The following IGSF10 variants were observed in gnomAD, a reference collection of about 807,000 sequenced individuals.
The protein encoded by IGSF10 is immunoglobulin superfamily member 10, also known as calvaria mechanical force protein 608.
IGSF10 carries 126 observed loss-of-function variants against 128.2 expected under a neutral mutation model. The observed-to-expected ratio is 0.98, with a 90% CI of 0.85 to 1.14. The LOEUF is 1.14. Ranked by LOEUF, IGSF10 falls within the 50% of genes most tolerant of loss-of-function variation. IGSF10 has a pLI of 0.00. For missense variants in IGSF10, 3,295 were observed against 3,149.8 expected (o/e 1.05, Z -1.10); for synonymous variants, 1,185 against 1,146.2 (o/e 1.03, Z -0.68).
At chr3:151,481,440 G>A in the IGSF10 span, among the ~76,000 whole-genome samples, 51 of 152,174 alleles carry the variant, frequency 3.4e-4, no homozygotes, top group South Asian at 1.0e-3. Context: ...AAATTGAAGC[G>A]GTCCTAAATT....
chr3:151,515,373 A>G, the IGSF10 span, among the ~76,000 whole-genome samples: 1 of 151,250 alleles, frequency 6.6e-6, no homozygotes, highest in East Asian at 2.0e-4. Context: ...CAAGGACAGA[A>G]AAACCAAACA....
the IGSF10 span, among the ~76,000 whole-genome samples, chr3:151,513,330 T>TA: frequency 1.3e-5 from 2 of 151,632 alleles, no homozygotes; most frequent in African/African-American, 2.4e-5. Flanking sequence ...AAAAAATCAA[T>TA]AAACGTAATC....
the IGSF10 span, among the ~76,000 whole-genome samples, chr3:151,575,316 C>T: frequency 3.3e-5 from 5 of 152,310 alleles, no homozygotes; most frequent in East Asian, 5.8e-4. Flanking sequence ...TTCAGCTATG[C>T]CCTGCCCCTA....
the IGSF10 span, among the ~76,000 whole-genome samples, chr3:151,474,821 CA>C: frequency 6.6e-6 from 1 of 151,668 alleles, no homozygotes; most frequent in Non-Finnish European, 1.5e-5. Context: ...TGGCAGCAGG[CA>C]AAGAGAGAGC....
the IGSF10 span, among the ~76,000 whole-genome samples, chr3:151,603,310 T>A: frequency 6.6e-6 from 1 of 152,230 alleles, no homozygotes; most frequent in African/African-American, 2.4e-5. Context: ...TCATCTGCTC[T>A]TTGGAATAAT....
chr3:151,617,035 A>T, the IGSF10 span, among the ~76,000 whole-genome samples: 2 of 152,090 alleles, frequency 1.3e-5, no homozygotes, highest in Non-Finnish European at 2.9e-5. Flanking sequence ...GGATGCTGGA[A>T]ATGGAGTCAA....
the IGSF10 span, among the ~76,000 whole-genome samples, chr3:151,539,897 T>G: frequency 6.6e-6 from 1 of 152,114 alleles, no homozygotes; most frequent in African/African-American, 2.4e-5. Context: ...TGTTCATCCA[T>G]CCATTCATCT....
In IGSF10 at chr3:151,451,734, T is replaced by C. The variant is rs570485640; in HGVS notation, c.715+1650A>G. ...ACATGTATTGGTGCTATGACATATA[T>C]TAAATTTGCCTTTAAAATGTTTCAA... On this transcript the variant is annotated intron_variant, in intron 5 of 7. Coordinates refer to ENST00000282466, the MANE Select transcript of IGSF10 (RefSeq NM_178822.5). Among the ~76,000 whole-genome samples, 112 of 152,364 alleles carry C rather than the reference T, an allele frequency of 7.4e-4. 2 individuals carry two copies. The South Asian group carries it at 0.023, about 31-fold the overall frequency.
chr3:151,604,626 C>CACACACAT, the IGSF10 span, among the ~76,000 whole-genome samples: 387 of 121,520 alleles, frequency 3.2e-3, no homozygotes, highest in African/African-American at 0.011. Flanking sequence ...CACACACACA[C>CACACACAT]ATATATATAT....
the IGSF10 span, among the ~76,000 whole-genome samples, chr3:151,562,646 A>G: frequency 2.6e-5 from 4 of 152,236 alleles, no homozygotes; most frequent in Non-Finnish European, 4.4e-5. Context: ...AGTGGAAGGT[A>G]CTTGGCCAGG....
chr3:151,575,175 C>T, the IGSF10 span, among the ~76,000 whole-genome samples: 1 of 152,190 alleles, frequency 6.6e-6, no homozygotes, highest in South Asian at 2.1e-4. Context: ...AGGTGTCTCC[C>T]AGTTAGGCTA....
the IGSF10 span, among the ~76,000 whole-genome samples, chr3:151,508,846 A>T: frequency 6.6e-6 from 1 of 152,198 alleles, no homozygotes; most frequent in Non-Finnish European, 1.5e-5. Flanking sequence ...AATGAACGTT[A>T]TTATATATGT....
the IGSF10 span, among the ~76,000 whole-genome samples, chr3:151,544,081 G>C: frequency 1.3e-5 from 2 of 152,028 alleles, no homozygotes; most frequent in Admixed American, 1.3e-4. Flanking sequence ...GGCTAATTTT[G>C]TATTTTTAGT....
chr3:151,477,134 C>A, the IGSF10 span, among the ~76,000 whole-genome samples: 2 of 152,068 alleles, frequency 1.3e-5, no homozygotes, highest in African/African-American at 4.8e-5. Context: ...CAGGATGCTG[C>A]TTTACAAATT....
chr3:151,442,898 G>A (rs1720942606), intron 7 of IGSF10, 86 bp downstream of exon 7: 3 of 1,215,972 alleles, frequency 2.5e-6, no homozygotes, highest in Non-Finnish European at 3.4e-6. Flanking sequence ...ACTGCTGCTA[G>A]CCTCACTGTG....
chr3:151,544,806 T>C, the IGSF10 span, among the ~76,000 whole-genome samples: 1 of 152,086 alleles, frequency 6.6e-6, no homozygotes, highest in Non-Finnish European at 1.5e-5. Flanking sequence ...TTTTTGTGTT[T>C]TGGTTTTGGA....
the IGSF10 span, among the ~76,000 whole-genome samples, chr3:151,496,557 T>TGTATATG: frequency 1.1e-3 from 60 of 54,734 alleles, no homozygotes; most frequent in East Asian, 2.6e-3. Context: ...TATTCCATGG[T>TGTATATG]TTCCTTAATC....
the IGSF10 span, among the ~76,000 whole-genome samples, chr3:151,555,286 GCAGATGATAAAATGCTA>G: frequency 6.6e-6 from 1 of 152,036 alleles, no homozygotes; most frequent in Non-Finnish European, 1.5e-5. Flanking sequence ...TTTATTAGCT[GCAGATGATAAAATGCTA>G]CATAAAACAG....
chr3:151,477,208 C>T, the IGSF10 span, among the ~76,000 whole-genome samples: 1 of 152,174 alleles, frequency 6.6e-6, no homozygotes, highest in African/African-American at 2.4e-5. Flanking sequence ...TCAGCTGTGT[C>T]ATTGATTTAA....
Sources: gnomAD v4.1 joint callset for allele counts (sites outside exome capture counted in the v4.1 genomes callset) on GRCh38, gnomAD v4.1.1 for gene constraint, MANE v1.5 for transcripts, NCBI Gene and HGNC (gene_info 2026-07-23, HGNC 2026-07-21) for gene names.